Variants in PDZRN4 observed in about 807,000 individuals in gnomAD.
The protein encoded by PDZRN4 is PDZ domain-containing RING finger protein 4.
In PDZRN4, 70 loss-of-function variants were observed where a neutral mutation model predicts 99.0. The ratio of observed to expected loss-of-function variants is 0.71; its 90% CI spans 0.58 to 0.86. The LOEUF (loss-of-function observed/expected upper bound fraction) is 0.86, where lower values mean the gene tolerates loss of function less well. Among genes scored for constraint, PDZRN4 ranks in the 40% least tolerant of loss-of-function variants. The pLI, the probability that PDZRN4 is intolerant of heterozygous loss-of-function variation, is 0.00. For missense variants in PDZRN4, 1,474 were observed against 1,331.2 expected (o/e 1.11, Z -1.67); for synonymous variants, 551 against 501.6 (o/e 1.10, Z -1.32).
chr12:41,245,887 A>G (rs192759472), intron 3 of PDZRN4, among the ~76,000 whole-genome samples: 145 of 152,328 alleles, frequency 9.5e-4, no homozygotes, highest in African/African-American at 3.3e-3. Flanking sequence ...TGCCTGGGCT[A>G]CAAATTAGAT....
chr12:41,293,786 T>C (rs1344598626), intron 3 of PDZRN4, among the ~76,000 whole-genome samples: 1 of 152,172 alleles, frequency 6.6e-6, no homozygotes, highest in Non-Finnish European at 1.5e-5. Flanking sequence ...TAAAATTAAT[T>C]TCTGTAGTGT....
intron 3 of PDZRN4, among the ~76,000 whole-genome samples, chr12:41,367,168 C>T (rs1190534590): frequency 6.6e-6 from 1 of 152,106 alleles, no homozygotes; most frequent in African/African-American, 2.4e-5. Context: ...AAATAGGAAT[C>T]AAGTCTATCA....
intron 3 of PDZRN4, among the ~76,000 whole-genome samples, chr12:41,237,198 T>C (rs1951073595): frequency 6.6e-6 from 1 of 152,064 alleles, no homozygotes; most frequent in South Asian, 2.1e-4. Context: ...AAAATGGGAA[T>C]CTAGAGTTTT....
chr12:41,478,173 T>C (rs1937622293), intron 3 of PDZRN4, among the ~76,000 whole-genome samples: 1 of 152,124 alleles, frequency 6.6e-6, no homozygotes, highest in African/African-American at 2.4e-5. Flanking sequence ...TGGAGTGCAG[T>C]GGTGCAATCT....
chr12:41,243,017 A>T (rs1248759713), intron 3 of PDZRN4, among the ~76,000 whole-genome samples: 2 of 152,060 alleles, frequency 1.3e-5, no homozygotes, highest in Admixed American at 1.3e-4. Flanking sequence ...TCTAGGTAAG[A>T]TTCATTTCAG....
intron 1 of PDZRN4, among the ~76,000 whole-genome samples, chr12:41,189,761 G>C: frequency 6.6e-6 from 1 of 152,088 alleles, no homozygotes; most frequent in Non-Finnish European, 1.5e-5. Flanking sequence ...CTTGCCTCGG[G>C]ATCTCATTAT....
At chr12:41,233,835 T>C (rs182005304) in intron 3 of PDZRN4, among the ~76,000 whole-genome samples, 3 of 152,050 alleles carry the variant, frequency 2.0e-5, no homozygotes, top group East Asian at 3.9e-4. Context: ...ACATACCTAA[T>C]ACTAAATGAT....
At chr12:41,539,794 A>G (rs553426503) in intron 5 of PDZRN4, among the ~76,000 whole-genome samples, 91 of 152,310 alleles carry the variant, frequency 6.0e-4, no homozygotes, top group Admixed American at 1.7e-3. Flanking sequence ...AGGACTGACA[A>G]ATCTCTGTTG....
intron 3 of PDZRN4, chr12:41,412,652 C>G (rs1437995945): frequency 6.6e-6 from 1 of 152,108 alleles, no homozygotes; most frequent in East Asian, 1.9e-4. Flanking sequence ...GAATGTTTCA[C>G]ATGATGTGGC....
chr12:41,261,921 G>A (rs1181837158), intron 3 of PDZRN4, among the ~76,000 whole-genome samples: 1 of 152,184 alleles, frequency 6.6e-6, no homozygotes, highest in Non-Finnish European at 1.5e-5. Context: ...CAGAGAACAT[G>A]GGATGGGGAG....
At chr12:41,517,592 C>G (rs1209660400) in intron 5 of PDZRN4, among the ~76,000 whole-genome samples, 1 of 152,012 alleles carries the variant, frequency 6.6e-6, no homozygotes, top group Non-Finnish European at 1.5e-5. Context: ...AGGAGTGTGG[C>G]CCCAGTTCTA....
At chr12:41,514,372 A>T (rs570751739) in intron 5 of PDZRN4, among the ~76,000 whole-genome samples, 1 of 152,064 alleles carries the variant, frequency 6.6e-6, no homozygotes, top group East Asian at 1.9e-4. Context: ...TAAGTATATA[A>T]TCTCTCTCTT....
chr12:41,557,559 C>T (rs933325200), intron 7 of PDZRN4, among the ~76,000 whole-genome samples: 3 of 152,180 alleles, frequency 2.0e-5, no homozygotes, highest in Non-Finnish European at 4.4e-5. Context: ...ACTCTGCCTG[C>T]GTGGCCTGGG....
At chr12:41,416,487 A>T (rs530580839) in intron 3 of PDZRN4, among the ~76,000 whole-genome samples, 47 of 152,176 alleles carry the variant, frequency 3.1e-4, no homozygotes, top group African/African-American at 1.1e-3. Context: ...TCTACTAAAA[A>T]TACAAAAAAA....
intron 3 of PDZRN4, among the ~76,000 whole-genome samples, chr12:41,207,386 A>G (rs893213758): frequency 2.0e-5 from 3 of 151,846 alleles, no homozygotes; most frequent in South Asian, 2.1e-4. Flanking sequence ...CTAATAAACA[A>G]TTGAAAAATA....
rs182809208 is a variant in PDZRN4 at position 41,271,987 on chromosome 12, T to A, written c.843+77799T>A. Reference sequence around the variant, plus strand: ...GACAACAAATGATTTTGCAACATCATTTCTATGTTTATATAAGCCTCTACT... The same window carrying A: ...GACAACAAATGATTTTGCAACATCAATTCTATGTTTATATAAGCCTCTACT... On this transcript the variant is annotated intron_variant, in intron 3 of 9. Transcript: ENST00000402685. 3.4e-3 allele frequency among the ~76,000 whole-genome samples: 514 copies of A among 152,192 alleles called. 3 individuals carry two copies. The highest frequency in any genetic ancestry group is 5.1e-3 in the Non-Finnish European group (345 of 67,956).
intron 3 of PDZRN4, among the ~76,000 whole-genome samples, chr12:41,389,714 T>A (rs987381706): frequency 2.6e-5 from 4 of 152,256 alleles, no homozygotes; most frequent in Non-Finnish European, 4.4e-5. Flanking sequence ...CATACACTAT[T>A]CCCTGTTTAT....
intron 7 of PDZRN4, among the ~76,000 whole-genome samples, chr12:41,558,489 A>G (rs575773991): frequency 4.6e-5 from 7 of 152,116 alleles, no homozygotes; most frequent in East Asian, 1.9e-4. Flanking sequence ...ACACAAATAC[A>G]GTTATTAAAA....
chr12:41,488,513 C>T (rs1226913681), intron 3 of PDZRN4, among the ~76,000 whole-genome samples: 1 of 152,118 alleles, frequency 6.6e-6, no homozygotes, highest in African/African-American at 2.4e-5. Context: ...TCTTCTCAAT[C>T]CTTGTCATAT....
Sources: gnomAD v4.1 joint callset for allele counts (sites outside exome capture counted in the v4.1 genomes callset) on GRCh38, gnomAD v4.1.1 for gene constraint, MANE v1.5 for transcripts, NCBI Gene and HGNC (gene_info 2026-07-23, HGNC 2026-07-21) for gene names.